Variants in RANBP2 observed in about 807,000 individuals in gnomAD.
RANBP2 encodes E3 SUMO-protein ligase RanBP2.
Under a neutral mutation model 303.6 loss-of-function variants are expected in RANBP2, and 57 were observed. That is an observed-to-expected ratio of 0.19 (90% CI 0.15 to 0.23). RANBP2 has a LOEUF of 0.23. RANBP2 is among the 10% of genes least tolerant of loss of function. RANBP2 has a pLI of 1.00. For synonymous variants in RANBP2, 1,167 were observed against 1,301.5 expected (o/e 0.90, Z 2.23); for missense variants, 3,138 against 3,780.8 (o/e 0.83, Z 4.46).
At chr2:109,564,514 C>T in the RANBP2 span, 79 of 1,524,474 alleles carry the variant, frequency 5.2e-5, no homozygotes, top group Non-Finnish European at 6.9e-5. Context: ...TTTACAAAGT[C>T]ACAGTGGTTT....
the RANBP2 span, chr2:109,398,682 C>T: frequency 8.4e-3 from 13,524 of 1,609,880 alleles, 120 homozygotes; most frequent in East Asian, 0.037. Flanking sequence ...CTGACTCCGG[C>T]GCTGTGGCCA....
chr2:108,745,774 G>A (rs992600949), intron 7 of RANBP2, among the ~76,000 whole-genome samples: 10 of 151,666 alleles, frequency 6.6e-5, no homozygotes, highest in Non-Finnish European at 1.2e-4. Flanking sequence ...ACTCAAATAG[G>A]ACAACATCTG....
At chr2:109,603,958 G>A in the RANBP2 span, among the ~76,000 whole-genome samples, 32 of 151,596 alleles carry the variant, frequency 2.1e-4, no homozygotes, top group Admixed American at 4.6e-4. Context: ...TCAGGAGATC[G>A]AGACCATCCT....
the RANBP2 span, among the ~76,000 whole-genome samples, chr2:109,269,270 T>TA: frequency 6.6e-6 from 1 of 152,050 alleles, no homozygotes; most frequent in East Asian, 1.9e-4. Context: ...TGAAATGACA[T>TA]AAAGGGACTG....
At chr2:109,238,036 T>C in the RANBP2 span, among the ~76,000 whole-genome samples, 4 of 152,114 alleles carry the variant, frequency 2.6e-5, no homozygotes, top group African/African-American at 9.7e-5. Flanking sequence ...TGAGGCCCCA[T>C]CTCTACAAAA....
the RANBP2 span, among the ~76,000 whole-genome samples, chr2:109,531,341 C>T: frequency 2.6e-5 from 4 of 152,180 alleles, no homozygotes; most frequent in Non-Finnish European, 5.9e-5. Flanking sequence ...TGTGCAACTG[C>T]AGAGGTGCCA....
the RANBP2 span, among the ~76,000 whole-genome samples, chr2:109,044,330 C>A: frequency 6.6e-6 from 1 of 151,848 alleles, no homozygotes; most frequent in African/African-American, 2.4e-5. Context: ...ACCGTCCTGG[C>A]CAACACGGTG....
chr2:109,076,167 T>C, the RANBP2 span, among the ~76,000 whole-genome samples: 3 of 150,178 alleles, frequency 2.0e-5, no homozygotes, highest in African/African-American at 7.3e-5. Flanking sequence ...ATGCACCACA[T>C]TAACAGAATG....
the RANBP2 span, among the ~76,000 whole-genome samples, chr2:109,653,394 C>A: frequency 0.018 from 2,534 of 141,832 alleles, 86 homozygotes; most frequent in African/African-American, 0.063. Flanking sequence ...GATTTCGTCT[C>A]AAAAAAAAAA....
the RANBP2 span, among the ~76,000 whole-genome samples, chr2:109,229,135 C>G: frequency 6.6e-6 from 1 of 152,206 alleles, no homozygotes; most frequent in African/African-American, 2.4e-5. Context: ...CGCTATCACT[C>G]AGAAAATTAC....
chr2:109,585,868 C>T, the RANBP2 span: 2 of 1,558,078 alleles, frequency 1.3e-6, no homozygotes, highest in South Asian at 2.2e-5. Flanking sequence ...AAAACAACAG[C>T]AATAAAAAAA....
the RANBP2 span, among the ~76,000 whole-genome samples, chr2:109,694,576 A>C: frequency 6.6e-6 from 1 of 152,148 alleles, no homozygotes; most frequent in Non-Finnish European, 1.5e-5. Flanking sequence ...TTGTGGTCCC[A>C]GGCTTTTCAA....
the RANBP2 span, among the ~76,000 whole-genome samples, chr2:109,434,721 C>T: frequency 1.3e-5 from 2 of 152,244 alleles, no homozygotes; most frequent in Non-Finnish European, 2.9e-5. Flanking sequence ...AAGCAGCCCA[C>T]TGGCAAGTTC....
the RANBP2 span, chr2:109,614,092 C>T: frequency 2.7e-5 from 33 of 1,210,974 alleles, no homozygotes; most frequent in African/African-American, 4.7e-4. Flanking sequence ...CGCCTGAGGA[C>T]TGAGCGTCAG....
At chr2:109,703,497 C>T in the RANBP2 span, among the ~76,000 whole-genome samples, 2 of 152,318 alleles carry the variant, frequency 1.3e-5, no homozygotes, top group Non-Finnish European at 2.9e-5. Context: ...GGCACTATCT[C>T]GGCTCACTGC....
the RANBP2 span, among the ~76,000 whole-genome samples, chr2:109,353,829 A>G: frequency 1.3e-5 from 2 of 152,040 alleles, no homozygotes; most frequent in Admixed American, 1.3e-4. Flanking sequence ...CGGCAGTGAG[A>G]GGGTGTGATC....
the RANBP2 span, among the ~76,000 whole-genome samples, chr2:109,480,528 A>T: frequency 2.0e-5 from 3 of 152,152 alleles, no homozygotes; most frequent in Admixed American, 2.0e-4. Context: ...AGACTGGCTG[A>T]ATTAGTGTCT....
chr2:109,643,047 G>C, the RANBP2 span, among the ~76,000 whole-genome samples: 1 of 151,860 alleles, frequency 6.6e-6, no homozygotes, highest in African/African-American at 2.4e-5. Flanking sequence ...CGGGTGTGAT[G>C]GCTCACATCT....
the RANBP2 span, chr2:108,791,477 G>A: frequency 1.7e-6 from 1 of 597,416 alleles, no homozygotes; most frequent in East Asian, 3.6e-5. Context: ...TGTAGAAAAA[G>A]ATGCTTGTAG....
Sources: gnomAD v4.1 joint callset for allele counts (sites outside exome capture counted in the v4.1 genomes callset) on GRCh38, gnomAD v4.1.1 for gene constraint, MANE v1.5 for transcripts, NCBI Gene and HGNC (gene_info 2026-07-23, HGNC 2026-07-21) for gene names.